DCHS2: variants seen among roughly 807,000 people sequenced by gnomAD.
The protein encoded by DCHS2 is protocadherin-23.
DCHS2 carries 142 observed loss-of-function variants against 182.4 expected under a neutral mutation model. The ratio of observed to expected loss-of-function variants is 0.78; its 90% confidence interval spans 0.68 to 0.89. The LOEUF (loss-of-function observed/expected upper bound fraction) is 0.89, where lower values mean the gene tolerates loss of function less well. Among genes scored for constraint, DCHS2 ranks in the 40% least tolerant of loss-of-function variants. The pLI, the probability that DCHS2 is intolerant of heterozygous loss-of-function variation, is 0.00. For synonymous variants in DCHS2, 1,740 were observed against 1,663.3 expected (o/e 1.05, Z -1.12); for missense variants, 4,319 against 4,198.6 (o/e 1.03, Z -0.79).
intron 1 of DCHS2, among the ~76,000 whole-genome samples, chr4:154,436,756 GC>G (rs1733797521): frequency 6.6e-6 from 1 of 152,262 alleles, no homozygotes; most frequent in Non-Finnish European, 1.5e-5. Context: ...GTAGCTAGTA[GC>G]CACACTTGGT....
At chr4:154,407,122 AG>A (rs1473599436) in intron 1 of DCHS2, among the ~76,000 whole-genome samples, 1 of 152,198 alleles carries the variant, frequency 6.6e-6, no homozygotes, top group Non-Finnish European at 1.5e-5. Flanking sequence ...TGGCAACATG[AG>A]GGAGGACAGG....
intron 16 of DCHS2, among the ~76,000 whole-genome samples, chr4:154,252,071 TTTTAA>T (rs1402812172): frequency 1.8e-4 from 27 of 151,948 alleles, no homozygotes; most frequent in Non-Finnish European, 3.1e-4. Context: ...CCATTTTATG[TTTTAA>T]TTTATTATTA....
rs746954309 is a variant in DCHS2, at chr4:154,240,794, CAT to C, written c.7100_7101del (p.His2367ArgfsTer5). Reference sequence around the variant, plus strand: ...TTCAAATCCACATCATGAACTGACACATGAGTCACAATTACACCAGGCAAAGA... The same window carrying C: ...TTCAAATCCACATCATGAACTGACACGAGTCACAATTACACCAGGCAAAGA... ...EDSLPGVIVT[H>X]VSVHDVDLNS... is the part of the protein sequence containing the mutation. On this transcript the variant is annotated frameshift_variant, in exon 18 of 20. Transcript: ENST00000357232. LOFTEE classifies it high-confidence loss of function. 9.3e-6 allele frequency: 15 copies of C among 1,613,684 alleles called. No individual in the cohort carries two copies. Among genetic ancestry groups the C allele is most frequent in the African/African-American group, 2.7e-5 (2 of 74,928 alleles).
At chr4:154,331,834 T>C in intron 5 of DCHS2, 1 of 1,088,280 alleles carries the variant, frequency 9.2e-7, no homozygotes, top group Non-Finnish European at 1.2e-6. Context: ...TGTTTCATTG[T>C]AAGGATTAAA....
chr4:154,232,044 A>T lies in DCHS2; in HGVS notation c.*2492T>A, dbSNP rs1467057146. On this transcript the variant is annotated 3_prime_UTR_variant, in exon 20 of 20. Coordinates refer to ENST00000357232, the MANE Select transcript of DCHS2 (RefSeq NM_001358235.2). The stretch of plus-strand genomic sequence containing the variant: ...TTCATCAGGCAGCCAAAATTCCACA[A>T]GAGACAACTGTCTTTTATTTTATAG... The T allele has an allele frequency of 6.6e-6, 1 of 151,658 alleles. No individual in the cohort carries two copies. Among genetic ancestry groups the T allele is most frequent in the Non-Finnish European group, 1.5e-5 (1 of 68,020 alleles). The allele number at this position is 151,658 out of a possible 1,614,324, so 9.4% of individuals were successfully genotyped here.
At chr4:154,438,742 T>G (rs9884775) in intron 1 of DCHS2, among the ~76,000 whole-genome samples, 70,634 of 152,002 alleles carry the variant, frequency 0.46, 16,901 homozygotes, top group Middle Eastern at 0.68. Flanking sequence ...TGTCTATATT[T>G]CTGTTGTTAT....
At chr4:154,449,232 CT>C (rs1334467146) in intron 1 of DCHS2, among the ~76,000 whole-genome samples, 1 of 149,318 alleles carries the variant, frequency 6.7e-6, no homozygotes, top group African/African-American at 2.5e-5. Context: ...AAAAAAAATG[CT>C]GTCATTGATA....
At position 154,322,426 on chromosome 4, in the gene DCHS2, G is replaced by A. The variant is rs1285067864; in HGVS notation, c.4081C>T (p.Leu1361Phe). ...TAGGAAGGTCTATAATCATACGAAA[G>A]TATTGTGGTTGTTCTTATTTCACCA... ...NNGEIRTTTI[L>F]SYDYRPSYRM... Residue 1361 changes from leucine to phenylalanine, a missense_variant, in exon 8 of 20, where the codon CTT (leucine) becomes TTT (phenylalanine). Physicochemically the swap from Leu to Phe is conservative, Grantham distance 22. Transcript: ENST00000357232. 6.2e-7 allele frequency: 1 copy of A among 1,613,564 alleles called. No homozygotes were observed. Among genetic ancestry groups the A allele is most frequent in the Non-Finnish European group, 8.5e-7 (1 of 1,179,790 alleles).
chr4:154,333,165 G>C lies in DCHS2; in HGVS notation c.3043C>G (p.Arg1015Gly). The C allele has an allele frequency of 6.2e-7, 1 of 1,614,196 alleles. No homozygotes were observed. Among genetic ancestry groups the C allele is most frequent in the Non-Finnish European group, 8.5e-7 (1 of 1,180,044 alleles). The stretch of plus-strand genomic sequence containing the variant: ...GGCTGCGGGCTGGCGATGGAGTACC[G>C]GATGAGTCCGTTCCGCCCACTGTCT... ...DRDSGRNGLI[R>G]YSIASPQPGV... The change falls in exon 5 of 20, where the codon CGG (arginine) becomes GGG (glycine). Residue 1015 changes from arginine (R) to glycine (G), a missense_variant. Transcript: ENST00000357232.
chr4:154,417,190 TGTGTGTGTGTGTGTGAGAGAGAGAGA>T (rs1430083088), intron 1 of DCHS2, among the ~76,000 whole-genome samples: 38 of 109,578 alleles, frequency 3.5e-4, no homozygotes, highest in South Asian at 6.9e-4. Context: ...TGTGTGTGTG[TGTGTGTGTGTGTGTGAGAGAGAGAGA>T]GAGAGAGAGA....
rs6852295 is a variant in DCHS2 at position 154,487,064 on chromosome 4, G to A, written c.2052+2240C>T. On this transcript the variant is annotated intron_variant, in intron 1 of 19. Coordinates refer to ENST00000357232, the MANE Select transcript of DCHS2 (RefSeq NM_001358235.2). ...TCACGATGATAGAAACAACTCTAAAGACAGGCTTTCATCAAAAAAATCATA... is the reference window on the plus strand; with the variant it reads ...TCACGATGATAGAAACAACTCTAAAAACAGGCTTTCATCAAAAAAATCATA... Among the ~76,000 whole-genome samples the A allele has an allele frequency of 4.1e-3, 619 of 152,224 alleles. 5 individuals are homozygous for A. The highest frequency in any genetic ancestry group is 0.014 in the African/African-American group (582 of 41,526).
intron 16 of DCHS2, among the ~76,000 whole-genome samples, chr4:154,244,574 C>A (rs1391198407): frequency 6.6e-6 from 1 of 152,152 alleles, no homozygotes; most frequent in African/African-American, 2.4e-5. Flanking sequence ...ACTTTGTTTT[C>A]ATTGTTAGAA....
intron 13 of DCHS2, among the ~76,000 whole-genome samples, chr4:154,287,636 T>C (rs1341518050): frequency 6.6e-6 from 1 of 152,056 alleles, no homozygotes; most frequent in African/African-American, 2.4e-5. Context: ...ATGTGCACCA[T>C]ACCTGGCTAA....
chr4:154,390,810 G>C (rs1346234526), intron 1 of DCHS2, among the ~76,000 whole-genome samples: 2 of 151,958 alleles, frequency 1.3e-5, no homozygotes, highest in Non-Finnish European at 2.9e-5. Context: ...ATAAAATAAA[G>C]AGAAAGAAAC....
At position 154,236,766 on chromosome 4, in the gene DCHS2, G is replaced by A. The variant is rs186893196; in HGVS notation, c.7886C>T (p.Ala2629Val). The A allele has an allele frequency of 3.9e-5, 63 of 1,614,000 alleles. No individual in the cohort carries two copies. The African/African-American group carries it at 7.1e-4, about 18-fold the overall frequency. Reference protein sequence around the residue: ...LLHSLDREASASHELVILASD... With the variant: ...LLHSLDREASVSHELVILASD... ...TGCCAGAATGACAAGCTCATGGCTA[G>A]CACTTGCTTCTCTGTCCAGACTGTG... The change falls in exon 20 of 20, where the codon GCT (alanine) becomes GTT (valine). Residue 2629 changes from alanine to valine, a missense_variant. Physicochemically the swap from Ala to Val is moderately conservative, Grantham distance 64. Coordinates refer to ENST00000357232, the MANE Select transcript of DCHS2 (RefSeq NM_001358235.2).
Position 154,417,202 on chromosome 4 carries a change from TGTGA to T in DCHS2, c.2053-39762_2053-39759del, listed in dbSNP as rs1732886330. ...GTGTGTGTGTGTGTGTGTGTGTGTG[TGTGA>T]GAGAGAGAGAGAGAGAGAGAGAGAG... On this transcript the variant is annotated intron_variant, in intron 1 of 19. Transcript: ENST00000357232. Among the ~76,000 whole-genome samples the T allele has an allele frequency of 2.9e-4, 12 of 42,012 alleles. No homozygotes were observed. In the South Asian group the frequency reaches 3.4e-3, roughly 12 times the overall value. The allele number at this position is 42,012 out of a possible 152,430, so 27.6% of individuals were successfully genotyped here.
At chr4:154,304,518 AC>A (rs1027805209) in intron 12 of DCHS2, 150 bp downstream of exon 12, 14 of 593,556 alleles carry the variant, frequency 2.4e-5, no homozygotes, top group Non-Finnish European at 4.0e-5. Flanking sequence ...AAAAATACTT[AC>A]CAATTTGGGA....
chr4:154,334,498 C>A, intron 4 of DCHS2: 1 of 196,352 alleles, frequency 5.1e-6, no homozygotes, highest in Admixed American at 5.4e-5. Context: ...TCAGTATATA[C>A]TAAGTGGGGA....
intron 13 of DCHS2, among the ~76,000 whole-genome samples, chr4:154,272,505 TC>T (rs1267473635): frequency 6.6e-6 from 1 of 152,128 alleles, no homozygotes; most frequent in Non-Finnish European, 1.5e-5. Context: ...GGGGGCACTT[TC>T]CCCATGCTGT....
Sources: gnomAD v4.1 joint callset for allele counts (sites outside exome capture counted in the v4.1 genomes callset) on GRCh38, gnomAD v4.1.1 for gene constraint, MANE v1.5 for transcripts, NCBI Gene and HGNC (gene_info 2026-07-23, HGNC 2026-07-21) for gene names.